The following GAS7 variants were observed in gnomAD, a reference collection of about 807,000 sequenced individuals.
The protein encoded by GAS7 is growth arrest specific 7, also known as growth arrest-specific protein 7.
In GAS7, 28 loss-of-function variants were observed where a neutral mutation model predicts 71.1. That is an observed-to-expected ratio of 0.39 (90% confidence interval 0.29 to 0.54). The LOEUF (loss-of-function observed/expected upper bound fraction) is 0.54, where lower values mean the gene tolerates loss of function less well. Among genes scored for constraint, GAS7 ranks in the 20% least tolerant of loss-of-function variants. GAS7 has a pLI of 0.62. For synonymous variants in GAS7, 258 were observed against 245.8 expected, an observed-to-expected ratio of 1.05 and a Z score of -0.46; for missense variants, 436 against 627.8, an observed-to-expected ratio of 0.69 and a Z score of 3.27.
intron 1 of GAS7, among the ~76,000 whole-genome samples, chr17:10,020,845 G>A (rs929914003): frequency 6.6e-5 from 10 of 152,224 alleles, no homozygotes; most frequent in East Asian, 3.9e-4. Context: ...CCTAGGAGGC[G>A]GAGGTTGCAG....
intron 5 of GAS7, among the ~76,000 whole-genome samples, chr17:9,951,687 G>T (rs2069013679): frequency 1.3e-5 from 2 of 150,762 alleles, no homozygotes; most frequent in African/African-American, 4.9e-5. Context: ...AACCTGGGAG[G>T]TGGCGGTTGC....
chr17:10,006,386 G>A (rs1045197671), intron 2 of GAS7, among the ~76,000 whole-genome samples: 30 of 132,360 alleles, frequency 2.3e-4, no homozygotes, highest in African/African-American at 8.0e-4. Flanking sequence ...CTGGAGTGCA[G>A]TGGCGCGATC....
intron 1 of GAS7, among the ~76,000 whole-genome samples, chr17:10,071,072 G>C (rs2073335546): frequency 6.6e-6 from 1 of 151,870 alleles, no homozygotes; most frequent in African/African-American, 2.4e-5. Context: ...GCCCAATCAT[G>C]AACTCAAAGG....
At chr17:9,922,571 CAG>C (rs981806956) in intron 11 of GAS7, among the ~76,000 whole-genome samples, 1 of 152,202 alleles carries the variant, frequency 6.6e-6, no homozygotes, top group African/African-American at 2.4e-5. Context: ...CGGTATTTTT[CAG>C]AGTTAGGTCT....
intron 1 of GAS7, among the ~76,000 whole-genome samples, chr17:10,158,614 G>A (rs143866946): frequency 3.9e-4 from 60 of 152,234 alleles, no homozygotes; most frequent in African/African-American, 1.4e-3. Context: ...AAATACGATT[G>A]ATGGAAGGAT....
intron 1 of GAS7, among the ~76,000 whole-genome samples, chr17:10,118,761 A>AG (rs71365718): frequency 6.7e-6 from 1 of 149,198 alleles, no homozygotes; most frequent in African/African-American, 2.5e-5. Context: ...TTAACTTATC[A>AG]GGGGGGTGGT....
Position 10,103,928 on chromosome 17 carries a change from C to A in GAS7, c.184-84031G>T, listed in dbSNP as rs774176654. Among the ~76,000 whole-genome samples the A allele has an allele frequency of 5.3e-5, 8 of 152,108 alleles. No homozygotes were observed. Among genetic ancestry groups the A allele is most frequent in the Non-Finnish European group, 1.0e-4 (7 of 68,016 alleles). On this transcript the variant is annotated intron_variant, in intron 1 of 13. Coordinates refer to ENST00000432992, the MANE Select transcript of GAS7 (RefSeq NM_201433.2). This position sits in a 1 kb window ranked among gnomAD's most constrained non-coding sequence, Gnocchi z 5.5. ...TCATCCTATCCTACCCACATCAGAG[C>A]CCACGCTCGCAGCCTTCCCTCCCAC... is the stretch of plus-strand genomic sequence containing the variant.
intron 1 of GAS7, chr17:10,036,658 C>T: frequency 7.0e-7 from 1 of 1,425,958 alleles, no homozygotes; most frequent in Non-Finnish European, 9.1e-7. Flanking sequence ...CACAAAGAAC[C>T]CACTACATTG....
chr17:10,159,097 TTAA>T (rs2074230998), intron 1 of GAS7, among the ~76,000 whole-genome samples: 14 of 111,700 alleles, frequency 1.3e-4, no homozygotes, highest in East Asian at 2.7e-4. Flanking sequence ...TATATATATA[TTAA>T]AGATAACACA....
intron 1 of GAS7, among the ~76,000 whole-genome samples, chr17:10,102,707 C>T (rs542026915): frequency 6.6e-6 from 1 of 151,706 alleles, no homozygotes; most frequent in East Asian, 1.9e-4. Context: ...CACTCTATAC[C>T]AATTAATTCA....
intron 4 of GAS7, among the ~76,000 whole-genome samples, chr17:9,966,048 G>T (rs913895481): frequency 6.8e-6 from 1 of 147,500 alleles, no homozygotes; most frequent in African/African-American, 2.5e-5. Flanking sequence ...GCCCAGGCTG[G>T]AGTGCAGTGG....
chr17:10,140,891 G>C (rs1349984030), intron 1 of GAS7, among the ~76,000 whole-genome samples: 1 of 152,218 alleles, frequency 6.6e-6, no homozygotes. Context: ...AGATACAAAT[G>C]CTAAAGATGC....
At chr17:10,025,564 T>C (rs1197424539) in intron 1 of GAS7, among the ~76,000 whole-genome samples, 1 of 150,280 alleles carries the variant, frequency 6.7e-6, no homozygotes, top group Non-Finnish European at 1.5e-5. Context: ...CCCTTAATGG[T>C]GGCTACTGAT....
At chr17:10,047,813 G>GA (rs551742506) in intron 1 of GAS7, among the ~76,000 whole-genome samples, 259 of 152,308 alleles carry the variant, frequency 1.7e-3, no homozygotes, top group Non-Finnish European at 2.9e-3. Flanking sequence ...TTAAATCAGT[G>GA]ACTTGCGGGG....
At chr17:9,943,453 A>C (rs1468286160) in intron 6 of GAS7, among the ~76,000 whole-genome samples, 3 of 152,150 alleles carry the variant, frequency 2.0e-5, no homozygotes, top group African/African-American at 7.2e-5. Context: ...CAGTTGCTGC[A>C]TCCCCACATC....
intron 1 of GAS7, among the ~76,000 whole-genome samples, chr17:10,166,953 C>T (rs749590516): frequency 1.3e-5 from 2 of 151,714 alleles, no homozygotes; most frequent in Non-Finnish European, 2.9e-5. Flanking sequence ...TGGGTGGAGA[C>T]CCTGCTCTGG....
rs1256951931 is a variant in GAS7 at position 9,925,733 on chromosome 17, G to A, written c.1015-134C>T. ...GGATGATGCCACAGTGGTCCAGAGA[G>A]GCCCAGCAGCCAGAGTGGCACCACC... On this transcript the variant is annotated intron_variant, in intron 10 of 13. Coordinates refer to ENST00000432992, the MANE Select transcript of GAS7 (RefSeq NM_201433.2). The A allele has an allele frequency of 8.6e-6, 8 of 933,836 alleles. No individual in the cohort carries two copies. The African/African-American group carries it at 1.3e-4, about 15-fold the overall frequency. 57.8% of individuals were successfully genotyped at this position (933,836 alleles called of 1,614,324 possible). A position where few individuals can be genotyped will look rare whatever the true frequency, so the allele number is the denominator to read the frequency against.
chr17:10,174,811 C>T (rs1377567617), intron 1 of GAS7, among the ~76,000 whole-genome samples: 2 of 152,222 alleles, frequency 1.3e-5, no homozygotes, highest in Admixed American at 6.5e-5. Context: ...AGTGCCTTCA[C>T]GGGCTTTGAC....
At chr17:10,053,288 A>G (rs1043284290) in intron 1 of GAS7, among the ~76,000 whole-genome samples, 48 of 152,332 alleles carry the variant, frequency 3.2e-4, no homozygotes, top group African/African-American at 9.9e-4. Flanking sequence ...ATACATTTGG[A>G]AAAGACGTGG....
Sources: gnomAD v4.1 joint callset for allele counts (sites outside exome capture counted in the v4.1 genomes callset) on GRCh38, gnomAD v4.1.1 for gene constraint, Gnocchi (gnomAD v3.1) non-coding constraint, MANE v1.5 for transcripts, NCBI Gene and HGNC (gene_info 2026-07-23, HGNC 2026-07-21) for gene names.